LRP1B: variants seen among roughly 807,000 people sequenced by gnomAD.
The protein encoded by LRP1B is low-density lipoprotein receptor-related protein 1B.
A neutral mutation model predicts 556.6 loss-of-function variants in LRP1B; 217 were observed. That is an observed-to-expected ratio of 0.39 (90% confidence interval 0.35 to 0.44). LRP1B has a LOEUF of 0.44. Ranked by LOEUF, LRP1B falls within the 20% of genes least tolerant of loss-of-function variation. The pLI is 1.00. For synonymous variants in LRP1B, 2,047 were observed against 1,865.8 expected (o/e 1.10, Z -2.50); for missense variants, 5,053 against 5,620.8 (o/e 0.90, Z 3.23).
chr2:142,121,868 G>A (rs376555416), intron 1 of LRP1B, among the ~76,000 whole-genome samples: 3 of 148,886 alleles, frequency 2.0e-5, no homozygotes, highest in African/African-American at 7.4e-5. Context: ...CCAACTATAT[G>A]AGTTGCTTCA....
chr2:141,198,110 C>T (rs1483255034), intron 6 of LRP1B, among the ~76,000 whole-genome samples: 1 of 152,094 alleles, frequency 6.6e-6, no homozygotes, highest in Admixed American at 6.6e-5. Context: ...TTTTATACCA[C>T]ATTTCTTTGC....
chr2:141,535,244 A>G (rs191212915), intron 2 of LRP1B, among the ~76,000 whole-genome samples: 129 of 152,248 alleles, frequency 8.5e-4, no homozygotes, highest in Non-Finnish European at 1.3e-3. Flanking sequence ...CATGTTTTCT[A>G]ATACACATCT....
chr2:141,123,741 T>A (rs1701125883), intron 7 of LRP1B, among the ~76,000 whole-genome samples: 2 of 152,158 alleles, frequency 1.3e-5, no homozygotes, highest in African/African-American at 4.8e-5. Context: ...ATTCTCACGT[T>A]TTTGACATAG....
intron 66 of LRP1B, among the ~76,000 whole-genome samples, chr2:140,413,322 C>T (rs117280525): frequency 0.02 from 3,026 of 152,248 alleles, 46 homozygotes; most frequent in Non-Finnish European, 0.023. Context: ...GATGTATTAA[C>T]ACTGGTTTTC....
intron 41 of LRP1B, among the ~76,000 whole-genome samples, chr2:140,631,881 A>G (rs1229113432): frequency 6.6e-6 from 1 of 152,232 alleles, no homozygotes; most frequent in East Asian, 1.9e-4. Flanking sequence ...TAAAAAGATG[A>G]TAAAATTTTG....
chr2:142,013,324 A>G (rs920002453), intron 1 of LRP1B, among the ~76,000 whole-genome samples: 1 of 152,208 alleles, frequency 6.6e-6, no homozygotes, highest in Non-Finnish European at 1.5e-5. Flanking sequence ...AACTAAAGCA[A>G]TGAGGAGCAG....
intron 6 of LRP1B, among the ~76,000 whole-genome samples, chr2:141,207,795 C>A (rs969967272): frequency 6.6e-6 from 1 of 152,188 alleles, no homozygotes; most frequent in African/African-American, 2.4e-5. Context: ...CCTGCCTCAG[C>A]CTCCCGAGTA....
chr2:141,418,108 G>A (rs1679983673), intron 3 of LRP1B, among the ~76,000 whole-genome samples: 1 of 152,066 alleles, frequency 6.6e-6, no homozygotes, highest in South Asian at 2.1e-4. Flanking sequence ...GTTTGCTATT[G>A]AGTTGTATGA....
chr2:141,370,082 G>T (rs1393829888), intron 3 of LRP1B, among the ~76,000 whole-genome samples: 1 of 152,032 alleles, frequency 6.6e-6, no homozygotes, highest in Non-Finnish European at 1.5e-5. Flanking sequence ...CTTTGCTATT[G>T]TGAATGGTGC....
chr2:141,003,040 G>T (rs551043867), intron 15 of LRP1B, among the ~76,000 whole-genome samples: 36 of 151,454 alleles, frequency 2.4e-4, no homozygotes, highest in Non-Finnish European at 4.3e-4. Flanking sequence ...AAAACTGAGG[G>T]TATTATTCCA....
Position 141,016,063 on chromosome 2 carries a change from G to A in LRP1B, c.1971-148C>T, listed in dbSNP as rs536001451. 16 of 646,236 alleles carry A rather than the reference G, an allele frequency of 2.5e-5. No homozygotes were observed. In the South Asian group the frequency reaches 2.8e-4, roughly 11 times the overall value. 40.0% of individuals were successfully genotyped at this position (646,236 alleles called of 1,614,324 possible). On this transcript the variant is annotated intron_variant, in intron 12 of 90. Transcript: ENST00000389484. ...AAGTGCTTATCTGTCAAAGAGGGGG[G>A]AGCTGTGAAGTTTTAAAGAAAGCAA...
intron 4 of LRP1B, among the ~76,000 whole-genome samples, chr2:141,252,248 T>A (rs528925764): frequency 1.2e-4 from 12 of 101,832 alleles, no homozygotes; most frequent in Admixed American, 3.7e-4. Context: ...AAAGCTACAA[T>A]GGCAAATAAA....
chr2:140,982,393 T>C (rs1252364040), intron 17 of LRP1B, 117 bp from the exon 18 acceptor site: 3 of 615,688 alleles, frequency 4.9e-6, no homozygotes, highest in Non-Finnish European at 8.3e-6. Flanking sequence ...TCTATTAAAA[T>C]AAAATATTTT....
chr2:140,391,307 T>C (rs1414767405), intron 66 of LRP1B, among the ~76,000 whole-genome samples: 1 of 152,132 alleles, frequency 6.6e-6, no homozygotes, highest in Non-Finnish European at 1.5e-5. Flanking sequence ...ACCATATCTA[T>C]GTATATAAAA....
intron 1 of LRP1B, among the ~76,000 whole-genome samples, chr2:141,910,297 C>T (rs977968509): frequency 1.3e-5 from 2 of 151,922 alleles, no homozygotes; most frequent in Admixed American, 6.6e-5. Flanking sequence ...GGAAGGAAGG[C>T]ATTAGTATTA....
At chr2:140,633,015 A>G (rs1683944049) in intron 41 of LRP1B, among the ~76,000 whole-genome samples, 1 of 151,784 alleles carries the variant, frequency 6.6e-6, no homozygotes, top group South Asian at 2.1e-4. Flanking sequence ...GTGAGCCGAG[A>G]TCATGCCACT....
At chr2:141,282,551 A>G (rs1573750866) in intron 3 of LRP1B, among the ~76,000 whole-genome samples, 1 of 151,342 alleles carries the variant, frequency 6.6e-6, no homozygotes, top group East Asian at 2.0e-4. Flanking sequence ...GAGAATATAC[A>G]TATACAGGTA....
At chr2:141,062,305 G>A (rs780200497) in intron 7 of LRP1B, 32 bp from the exon 8 acceptor site, 4 of 1,474,770 alleles carry the variant, frequency 2.7e-6, no homozygotes, top group East Asian at 4.6e-5. Flanking sequence ...TTAAAGTGGA[G>A]GGTGGGGGAG....
intron 18 of LRP1B, among the ~76,000 whole-genome samples, chr2:140,978,538 A>C (rs1489379220): frequency 6.6e-6 from 1 of 152,144 alleles, no homozygotes; most frequent in African/African-American, 2.4e-5. Flanking sequence ...ACTAGAAATG[A>C]GTTGAATCTA....
Sources: allele counts gnomAD v4.1 joint callset (sites outside exome capture counted in the v4.1 genomes callset), GRCh38; gene constraint gnomAD v4.1.1; transcripts MANE v1.5; gene names NCBI Gene and HGNC (gene_info 2026-07-23, HGNC 2026-07-21).